The following FARP1 variants were observed in gnomAD, a reference collection of about 807,000 sequenced individuals.
FARP1 encodes FERM, ARHGEF and pleckstrin domain-containing protein 1.
In FARP1, 52 loss-of-function variants were observed where a neutral mutation model predicts 128.8. The observed-to-expected ratio is 0.40, with a 90% confidence interval of 0.32 to 0.51. FARP1 has a LOEUF of 0.51. Ranked by LOEUF, FARP1 falls within the 20% of genes least tolerant of loss-of-function variation. FARP1 has a pLI of 0.45. For missense variants in FARP1, 1,333 were observed against 1,367.9 expected, an observed-to-expected ratio of 0.97 and a Z score of 0.40; for synonymous variants, 580 against 551.8, an observed-to-expected ratio of 1.05 and a Z score of -0.72.
At chr13:98,391,708 T>C (rs1174673926) in intron 11 of FARP1, among the ~76,000 whole-genome samples, 1 of 152,196 alleles carries the variant, frequency 6.6e-6, no homozygotes, top group African/African-American at 2.4e-5. Flanking sequence ...GTCAGTGCTC[T>C]TTTATTCCCT....
chr13:98,245,413 A>T, intron 2 of FARP1: 1 of 900,642 alleles, frequency 1.1e-6, no homozygotes, highest in Non-Finnish European at 1.3e-6. Context: ...TCAGTGTTTT[A>T]TGTGACAAAA....
intron 2 of FARP1, among the ~76,000 whole-genome samples, chr13:98,246,337 C>CG (rs1883063862): frequency 1.2e-3 from 4 of 3,448 alleles, no homozygotes; most frequent in Non-Finnish European, 2.2e-3. Context: ...CCTCGTGATC[C>CG]CCGCCTCGGC....
intron 2 of FARP1, among the ~76,000 whole-genome samples, chr13:98,219,185 C>T (rs185176147): frequency 6.6e-6 from 1 of 152,220 alleles, no homozygotes; most frequent in Admixed American, 6.5e-5. Context: ...CCATAAGCTC[C>T]ATCTCAGAAA....
At chr13:98,325,605 C>G (rs1318102491) in intron 2 of FARP1, among the ~76,000 whole-genome samples, 1 of 152,178 alleles carries the variant, frequency 6.6e-6, no homozygotes, top group Non-Finnish European at 1.5e-5. Context: ...TGTACTGGAA[C>G]CCAGAATCAG....
intron 2 of FARP1, among the ~76,000 whole-genome samples, chr13:98,254,393 C>G (rs1187294898): frequency 6.6e-6 from 1 of 151,920 alleles, no homozygotes; most frequent in Admixed American, 6.6e-5. Flanking sequence ...TATCTCTCTC[C>G]TTGTGTGTTA....
intron 16 of FARP1, among the ~76,000 whole-genome samples, chr13:98,414,877 G>A (rs74111025): frequency 4.6e-5 from 7 of 152,102 alleles, no homozygotes; most frequent in Non-Finnish European, 8.8e-5. Flanking sequence ...AAGCATGATG[G>A]CTCCCATCAG....
chr13:98,264,825 A>C (rs1241140309), intron 2 of FARP1, among the ~76,000 whole-genome samples: 1 of 152,148 alleles, frequency 6.6e-6, no homozygotes, highest in African/African-American at 2.4e-5. Context: ...CTAATATCGA[A>C]TAGAATTACT....
At chr13:98,441,909 G>C (rs1892540481) in intron 24 of FARP1, among the ~76,000 whole-genome samples, 1 of 152,158 alleles carries the variant, frequency 6.6e-6, no homozygotes, top group Non-Finnish European at 1.5e-5. Context: ...CCCAGATCTT[G>C]AATCCTTCCA....
At chr13:98,447,077 A>C in intron 26 of FARP1, 2 of 451,854 alleles carry the variant, frequency 4.4e-6, no homozygotes, top group African/African-American at 2.0e-5. Context: ...CTCTGACATA[A>C]CGTGTCCGGG....
chr13:98,373,148 CGTGT>C (rs1889421867), intron 5 of FARP1, among the ~76,000 whole-genome samples: 1 of 152,134 alleles, frequency 6.6e-6, no homozygotes, highest in Non-Finnish European at 1.5e-5. Context: ...TCCCAGTAAA[CGTGT>C]GTGTTTTCAG....
intron 24 of FARP1, among the ~76,000 whole-genome samples, chr13:98,443,690 G>A (rs1892627098): frequency 6.6e-6 from 1 of 152,230 alleles, no homozygotes; most frequent in Non-Finnish European, 1.5e-5. Context: ...TAGAGGTGGG[G>A]TCAGATGTTG....
Position 98,395,329 on chromosome 13 carries a change from G to GGGTCGCACCCGAGCCCTGCGCCGA in FARP1, c.1270_1293dup (p.Ser424_Arg431dup). 1 of 1,610,424 alleles carries GGGTCGCACCCGAGCCCTGCGCCGA rather than the reference G, an allele frequency of 6.2e-7. No individual in the cohort carries two copies. Among genetic ancestry groups the GGGTCGCACCCGAGCCCTGCGCCGA allele is most frequent in the African/African-American group, 1.3e-5 (1 of 75,022 alleles). On this transcript the variant is annotated inframe_insertion, in exon 13 of 27. Transcript: ENST00000319562. ...ACCGAAGGTTTCCGCCGGGGAGCCG[G>GGGTCGCACCCGAGCCCTGCGCCGA]GGTCGCACCCGAGCCCTGCGCCGAG...
chr13:98,390,966 C>T (rs1890283269), intron 11 of FARP1, 86 bp downstream of exon 11: 2 of 922,992 alleles, frequency 2.2e-6, no homozygotes, highest in Non-Finnish European at 3.5e-6. Flanking sequence ...ATTTCTTTAC[C>T]CAGACTTCAG....
chr13:98,410,268 G>C (rs540731649), intron 14 of FARP1, among the ~76,000 whole-genome samples: 1 of 152,340 alleles, frequency 6.6e-6, no homozygotes, highest in South Asian at 2.1e-4. Context: ...AGTTCAGGCC[G>C]ATGATGCCAC....
At chr13:98,237,608 G>A (rs554158898) in intron 2 of FARP1, among the ~76,000 whole-genome samples, 7 of 152,244 alleles carry the variant, frequency 4.6e-5, no homozygotes, top group African/African-American at 9.6e-5. Flanking sequence ...TGGTTCTTGC[G>A]TATTTTTTCA....
chr13:98,278,253 TTGTG>T (rs59956398), intron 2 of FARP1, among the ~76,000 whole-genome samples: 10 of 151,352 alleles, frequency 6.6e-5, no homozygotes, highest in Admixed American at 1.3e-4. Context: ...TATGTGTGTG[TTGTG>T]TGTGTATGTG....
chr13:98,428,975 C>T (rs1891897515), intron 17 of FARP1, among the ~76,000 whole-genome samples: 1 of 152,254 alleles, frequency 6.6e-6, no homozygotes, highest in African/African-American at 2.4e-5. Context: ...TGAATAAGCT[C>T]TGTGGGCTGT....
At chr13:98,259,172 C>G (rs760379458) in intron 2 of FARP1, among the ~76,000 whole-genome samples, 3 of 152,158 alleles carry the variant, frequency 2.0e-5, no homozygotes, top group South Asian at 2.1e-4. Context: ...GGTTGTGACA[C>G]TGCATGCCAC....
intron 2 of FARP1, among the ~76,000 whole-genome samples, chr13:98,305,118 A>ATATT (rs1555335715): frequency 2.9e-5 from 3 of 102,916 alleles, no homozygotes; most frequent in Non-Finnish European, 6.5e-5. Flanking sequence ...ATATATATAT[A>ATATT]TTTTTTAATT....
Sources: gnomAD v4.1 joint callset for allele counts (sites outside exome capture counted in the v4.1 genomes callset) on GRCh38, gnomAD v4.1.1 for gene constraint, MANE v1.5 for transcripts, NCBI Gene and HGNC (gene_info 2026-07-23, HGNC 2026-07-21) for gene names.